The following CACNA1B variants were observed in gnomAD, a reference collection of about 807,000 sequenced individuals.
The protein encoded by CACNA1B is voltage-dependent N-type calcium channel subunit alpha-1B.
CACNA1B carries 70 observed loss-of-function variants against 247.2 expected under a neutral mutation model. The ratio of observed to expected loss-of-function variants is 0.28; its 90% confidence interval spans 0.23 to 0.35. CACNA1B has a LOEUF of 0.35. Ranked by LOEUF, CACNA1B falls within the 10% of genes least tolerant of loss-of-function variation. The probability of loss-of-function intolerance (pLI) is 1.00; values close to 1 mark genes in which losing one functional copy is unlikely to be tolerated. For synonymous variants in CACNA1B, 1,231 were observed against 1,294.4 expected, an observed-to-expected ratio of 0.95 and a Z score of 1.05; for missense variants, 2,367 against 3,197.4, an observed-to-expected ratio of 0.74 and a Z score of 6.26.
intron 36 of CACNA1B, among the ~76,000 whole-genome samples, chr9:138,080,313 T>C (rs10867105): frequency 0.31 from 47,735 of 151,980 alleles, 10,373 homozygotes; most frequent in African/African-American, 0.61. Context: ...CGTGAGGACA[T>C]GTTTTGGGAT....
Position 137,971,335 on chromosome 9 carries a change from C to T in CACNA1B, c.1334-48C>T, listed in dbSNP as rs200898254. On this transcript the variant is annotated intron_variant, in intron 10 of 46. Transcript: ENST00000371372. The surrounding 1 kb of genome is among the most constrained non-coding windows in gnomAD (Gnocchi z 4.4). Reference sequence around the variant, plus strand: ...TGTGGGGGTCCACAGGTGGGGTAGGCGGGTGCCCATTGGTCCCCACATCCT... The same window carrying T: ...TGTGGGGGTCCACAGGTGGGGTAGGTGGGTGCCCATTGGTCCCCACATCCT... 9.1e-5 allele frequency: 125 copies of T among 1,379,304 alleles called. No individual in the cohort carries two copies. The highest frequency in any genetic ancestry group is 6.6e-4 in the East Asian group (27 of 40,974). The allele number at this position is 1,379,304 out of a possible 1,614,324, so 85.4% of individuals were successfully genotyped here. A position where few individuals can be genotyped will look rare whatever the true frequency, so the allele number is the denominator to read the frequency against.
chr9:137,878,784 G>A (rs1458553522), intron 1 of CACNA1B, among the ~76,000 whole-genome samples: 2 of 152,160 alleles, frequency 1.3e-5, no homozygotes, highest in East Asian at 3.9e-4. Flanking sequence ...GAGCCGGGCC[G>A]GAGGCGCTGT....
intron 36 of CACNA1B, among the ~76,000 whole-genome samples, chr9:138,089,383 A>G (rs1960807432): frequency 6.6e-6 from 1 of 152,254 alleles, no homozygotes; most frequent in Admixed American, 6.5e-5. Context: ...CCAGTAATCA[A>G]CATAATACAT....
intron 10 of CACNA1B, among the ~76,000 whole-genome samples, chr9:137,970,882 A>G (rs78199931): frequency 0.013 from 1,998 of 152,310 alleles, 18 homozygotes; most frequent in East Asian, 0.047. Context: ...GCGTAAACCG[A>G]TGAGCTTGGC....
intron 42 of CACNA1B, among the ~76,000 whole-genome samples, chr9:138,116,037 G>A (rs1343641359): frequency 6.6e-6 from 1 of 152,174 alleles, no homozygotes; most frequent in Non-Finnish European, 1.5e-5. Flanking sequence ...CATCGAACCC[G>A]CCTTCCTAAC....
At chr9:138,106,811 C>G (rs1961444074) in intron 39 of CACNA1B, among the ~76,000 whole-genome samples, 1 of 152,178 alleles carries the variant, frequency 6.6e-6, no homozygotes, top group Non-Finnish European at 1.5e-5. Flanking sequence ...TCCCTATTCT[C>G]TCCTTTCTAA....
At chr9:137,907,132 G>T (rs779347025) in intron 3 of CACNA1B, among the ~76,000 whole-genome samples, 1 of 152,142 alleles carries the variant, frequency 6.6e-6, no homozygotes, top group African/African-American at 2.4e-5. Context: ...GTGTGTCTGT[G>T]TATTCACACA....
intron 36 of CACNA1B, among the ~76,000 whole-genome samples, chr9:138,094,457 A>AAAAAAAAAGAAG (rs752912258): frequency 6.2e-4 from 83 of 134,868 alleles, no homozygotes; most frequent in East Asian, 1.6e-3. Flanking sequence ...AAAAAAAAAA[A>AAAAAAAAAGAAG]AAGAAGAAGA....
intron 10 of CACNA1B, among the ~76,000 whole-genome samples, chr9:137,961,599 G>A (rs1958021882): frequency 1.3e-5 from 2 of 152,104 alleles, no homozygotes; most frequent in South Asian, 2.1e-4. Flanking sequence ...TTTATTGAAG[G>A]TCTTTTCTGC....
At position 138,068,551 on chromosome 9, in the gene CACNA1B, C is replaced by G. The variant is rs147761363; in HGVS notation, c.4669-1207C>G. The G allele has an allele frequency of 4.5e-5, 23 of 516,836 alleles. No homozygotes were observed. In the East Asian group the frequency reaches 1.2e-3, roughly 27 times the overall value. The allele number at this position is 516,836 out of a possible 1,614,324, so 32.0% of individuals were successfully genotyped here. A position where few individuals can be genotyped will look rare whatever the true frequency, so the allele number is the denominator to read the frequency against. ...CGCCCGGAAGCATTTAGTCCCAGTG[C>G]GCTTTCCGAGAGGCACAGGTGGGCT... On this transcript the variant is annotated intron_variant, in intron 31 of 46. Transcript: ENST00000371372.
At position 138,100,395 on chromosome 9, in the gene CACNA1B, C is replaced by T. The variant is rs1051038301; in HGVS notation, c.5223-2316C>T. ...ACACTTTCCACCTGGGCTTGATGGG[C>T]AGGGACAGCTGGGGAGGGTGGGGGG... On this transcript the variant is annotated intron_variant, in intron 37 of 46. Transcript: ENST00000371372. This position sits in a 1 kb window ranked among gnomAD's most constrained non-coding sequence, Gnocchi z 4.6. Among the ~76,000 whole-genome samples the T allele has an allele frequency of 6.6e-6, 1 of 152,198 alleles. No individual in the cohort carries two copies. The highest frequency in any genetic ancestry group is 2.4e-5 in the African/African-American group (1 of 41,532).
Position 138,075,848 on chromosome 9 carries a change from C to T in CACNA1B, c.4887C>T (p.Asp1629=). ...TTGGGAATATTGCCCTGGATGATGACACCAGCATCAACCGCCACAACAACT... is the reference window on the plus strand; with the variant it reads ...TTGGGAATATTGCCCTGGATGATGATACCAGCATCAACCGCCACAACAACT... The part of the protein sequence containing the change: ...QVFGNIALDD[D]TSINRHNNFR... The change falls in exon 35 of 47, where the codon GAC becomes GAT. Residue 1629 remains aspartate (D), a synonymous_variant. Coordinates refer to ENST00000371372, the MANE Select transcript of CACNA1B (RefSeq NM_000718.4). The T allele has an allele frequency of 6.2e-7, 1 of 1,608,756 alleles. No homozygotes were observed. Among genetic ancestry groups the T allele is most frequent in the African/African-American group, 1.3e-5 (1 of 75,022 alleles).
At chr9:137,911,278 A>G (rs1450216752) in intron 3 of CACNA1B, among the ~76,000 whole-genome samples, 1 of 152,206 alleles carries the variant, frequency 6.6e-6, no homozygotes, top group Non-Finnish European at 1.5e-5. Context: ...TATCTGAACA[A>G]AATTCCTCTT....
At position 138,052,141 on chromosome 9, in the gene CACNA1B, C is replaced by T. The variant is rs1294351388; in HGVS notation, c.3760C>T (p.Arg1254Cys). The change falls in exon 25 of 47, where the codon CGT becomes TGT. Residue 1254 changes from arginine to cysteine, a missense_variant. Coordinates refer to ENST00000371372, the MANE Select transcript of CACNA1B (RefSeq NM_000718.4). The surrounding 1 kb of genome is among the most constrained non-coding windows in gnomAD (Gnocchi z 5.1). The part of the protein sequence containing the change: ...INTIKSLRVL[R>C]VLRPLKTIKR... ...TACCATCAAGTCTCTGAGAGTCCTT[C>T]GTGTCCTGCGGCCCCTCAAGACCAT... 3 of 1,612,512 alleles carry T rather than the reference C, an allele frequency of 1.9e-6. No homozygotes were observed. Among genetic ancestry groups the T allele is most frequent in the East Asian group, 2.2e-5 (1 of 44,870 alleles).
At chr9:138,013,589 T>C (rs2133423890) in intron 18 of CACNA1B, among the ~76,000 whole-genome samples, 1 of 152,348 alleles carries the variant, frequency 6.6e-6, no homozygotes, top group Admixed American at 6.5e-5. Flanking sequence ...GCACAGCTTT[T>C]CAGAAATTTA....
At position 138,059,069 on chromosome 9, in the gene CACNA1B, C is replaced by A. The variant is rs200080680; in HGVS notation, c.4474-10C>A. 5.1e-6 allele frequency: 8 copies of A among 1,560,860 alleles called. No individual in the cohort carries two copies. Among genetic ancestry groups the A allele is most frequent in the Admixed American group, 1.7e-5 (1 of 59,534 alleles). ...AAACCCATGGCCAACAGTGCCTATT[C>A]CCCGGGCAGTTCTATGATGCACCCT... On this transcript the variant is annotated splice_polypyrimidine_tract_variant and intron_variant, in intron 29 of 46. Coordinates refer to ENST00000371372, the MANE Select transcript of CACNA1B (RefSeq NM_000718.4). This position sits in a 1 kb window ranked among gnomAD's most constrained non-coding sequence, Gnocchi z 4.2.
At chr9:138,079,359 G>A (rs1402792353) in intron 36 of CACNA1B, among the ~76,000 whole-genome samples, 5 of 152,148 alleles carry the variant, frequency 3.3e-5, no homozygotes. Context: ...AGCAGTCCAG[G>A]AGGCAGGTGG....
chr9:138,067,112 G>A (rs890975066), intron 31 of CACNA1B, among the ~76,000 whole-genome samples: 1 of 152,128 alleles, frequency 6.6e-6, no homozygotes, highest in Non-Finnish European at 1.5e-5. Context: ...ATGCCAGTAC[G>A]TTTGAAAACC....
chr9:138,016,380 G>C (rs564023577), intron 18 of CACNA1B, among the ~76,000 whole-genome samples: 1 of 152,350 alleles, frequency 6.6e-6, no homozygotes, highest in African/African-American at 2.4e-5. Flanking sequence ...TCTTTCTGTT[G>C]GTTTTAGAAA....
Sources: gnomAD v4.1 joint callset for allele counts (sites outside exome capture counted in the v4.1 genomes callset) on GRCh38, gnomAD v4.1.1 for gene constraint, Gnocchi (gnomAD v3.1) non-coding constraint, MANE v1.5 for transcripts, NCBI Gene and HGNC (gene_info 2026-07-23, HGNC 2026-07-21) for gene names.